The following CMSS1 variants were observed in gnomAD, a reference collection of about 807,000 sequenced individuals.
CMSS1 encodes the protein protein CMSS1.
In CMSS1, 33 loss-of-function variants were observed where a neutral mutation model predicts 43.5. The ratio of observed to expected loss-of-function variants is 0.76; its 90% CI spans 0.57 to 1.01. CMSS1 has a LOEUF of 1.01. Among genes scored for constraint, CMSS1 ranks in the 50% least tolerant of loss-of-function variants. The pLI is 0.00. For synonymous variants in CMSS1, 115 were observed against 117.2 expected, an observed-to-expected ratio of 0.98 and a Z score of 0.12; for missense variants, 313 against 326.4, an observed-to-expected ratio of 0.96 and a Z score of 0.32.
chr3:99,909,427 G>T (rs955454102), intron 1 of CMSS1, among the ~76,000 whole-genome samples: 1 of 152,090 alleles, frequency 6.6e-6, no homozygotes, highest in Non-Finnish European at 1.5e-5. Context: ...GGTGTGGGTG[G>T]AGTCATGGTA....
chr3:100,166,532 A>G (rs1046523965), intron 5 of CMSS1, 138 bp downstream of exon 5: 40 of 612,342 alleles, frequency 6.5e-5, no homozygotes, highest in Non-Finnish European at 1.2e-4. Context: ...ATGGTGTTCT[A>G]GTCCCAGGTC....
chr3:100,057,271 G>A (rs2065480769), intron 1 of CMSS1, among the ~76,000 whole-genome samples: 1 of 152,156 alleles, frequency 6.6e-6, no homozygotes, highest in African/African-American at 2.4e-5. Context: ...TAATCTTTCT[G>A]CAGGAAACCA....
chr3:99,971,599 T>G (rs1394265009), intron 1 of CMSS1, among the ~76,000 whole-genome samples: 2 of 152,204 alleles, frequency 1.3e-5, no homozygotes, highest in Non-Finnish European at 2.9e-5. Context: ...GCTTTTGTCT[T>G]GTAGCCACTC....
chr3:100,089,547 G>A (rs914785268), intron 1 of CMSS1, among the ~76,000 whole-genome samples: 1 of 152,130 alleles, frequency 6.6e-6, no homozygotes, highest in Non-Finnish European at 1.5e-5. Flanking sequence ...CAAGCAAAAA[G>A]GATAGGAAGC....
At position 100,160,443 on chromosome 3, in the gene CMSS1, T is replaced by C; in HGVS notation, c.167T>C (p.Phe56Ser). ...ATTTCTTAATAGCCTAAAGAATGTTTTTTGATACAACCAAAGGAAAGAAAA... is the reference window on the plus strand; with the variant it reads ...ATTTCTTAATAGCCTAAAGAATGTTCTTTGATACAACCAAAGGAAAGAAAA... The part of the protein sequence containing the change: ...SEKTKQPKEC[F>S]LIQPKERKEN... The change falls in exon 3 of 10, where the codon TTT becomes TCT. Residue 56 changes from phenylalanine (F) to serine (S), a missense_variant. By Grantham distance (155) the Phe-to-Ser change is radical. Coordinates refer to ENST00000421999, the MANE Select transcript of CMSS1 (RefSeq NM_032359.4). 1 of 1,496,500 alleles carries C rather than the reference T, an allele frequency of 6.7e-7. No homozygotes were observed. Among genetic ancestry groups the C allele is most frequent in the Non-Finnish European group, 9.3e-7 (1 of 1,077,400 alleles). The allele number at this position is 1,496,500 out of a possible 1,614,324, so 92.7% of individuals were successfully genotyped here. A position where few individuals can be genotyped will look rare whatever the true frequency, so the allele number is the denominator to read the frequency against.
intron 1 of CMSS1, among the ~76,000 whole-genome samples, chr3:100,086,852 T>C (rs1157545044): frequency 5.3e-5 from 8 of 152,168 alleles, no homozygotes; most frequent in Non-Finnish European, 1.2e-4. Flanking sequence ...TCAGGCTCCC[T>C]TTTTAATCAG....
chr3:99,878,957 T>C (rs912652286), intron 1 of CMSS1, among the ~76,000 whole-genome samples: 3 of 152,240 alleles, frequency 2.0e-5, no homozygotes, highest in Non-Finnish European at 4.4e-5. Context: ...ATTCTCTTGG[T>C]TTCATTTGTG....
chr3:99,914,774 G>A (rs1706900782), intron 1 of CMSS1, among the ~76,000 whole-genome samples: 3 of 152,200 alleles, frequency 2.0e-5, no homozygotes, highest in African/African-American at 7.2e-5. Context: ...GGCCATTCAG[G>A]ATAGAGTTCT....
chr3:100,123,281 T>G (rs1021734575), intron 1 of CMSS1, among the ~76,000 whole-genome samples: 4 of 151,978 alleles, frequency 2.6e-5, no homozygotes, highest in Non-Finnish European at 4.4e-5. Context: ...CTGAGAACAA[T>G]AGGTGTGAAG....
At chr3:99,823,196 G>T (rs1346876426) in intron 1 of CMSS1, among the ~76,000 whole-genome samples, 4 of 152,154 alleles carry the variant, frequency 2.6e-5, no homozygotes, top group African/African-American at 4.8e-5. Flanking sequence ...AAGAACACTG[G>T]TTACTTGGAG....
chr3:100,112,111 T>C (rs945714202), intron 1 of CMSS1, among the ~76,000 whole-genome samples: 2 of 152,214 alleles, frequency 1.3e-5, no homozygotes, highest in Non-Finnish European at 2.9e-5. Flanking sequence ...ACTATAAAAG[T>C]GTTCCCCTAA....
chr3:100,145,974 T>A (rs977923015), intron 1 of CMSS1, among the ~76,000 whole-genome samples: 3 of 152,222 alleles, frequency 2.0e-5, no homozygotes, highest in African/African-American at 7.2e-5. Context: ...TGCAAACATT[T>A]AAAAGCACAG....
rs116722688 is a variant in CMSS1 at position 99,846,327 on chromosome 3, A to T, written c.64+28284A>T. Among the ~76,000 whole-genome samples, 388 of 152,318 alleles carry T rather than the reference A, an allele frequency of 2.5e-3. 3 individuals are homozygous for T. Among genetic ancestry groups the T allele is most frequent in the African/African-American group, 8.9e-3 (368 of 41,572 alleles). On this transcript the variant is annotated intron_variant, in intron 1 of 9. Coordinates refer to ENST00000421999, the MANE Select transcript of CMSS1 (RefSeq NM_032359.4). ...ACTTTGTTCTTAAATTCTGATTTCC[A>T]TTGTTCATAATTTTATGATCAGTTG...
At chr3:100,138,969 G>T (rs113065745) in intron 1 of CMSS1, among the ~76,000 whole-genome samples, 20 of 152,290 alleles carry the variant, frequency 1.3e-4, no homozygotes, top group African/African-American at 4.6e-4. Context: ...TAGACTGGAT[G>T]AAGAAAATGT....
chr3:100,172,428 C>G (rs1349057562), intron 8 of CMSS1, 25 bp downstream of exon 8: 4 of 1,570,730 alleles, frequency 2.5e-6, no homozygotes, highest in Non-Finnish European at 3.5e-6. Context: ...CAGTGATACT[C>G]TTGCCCAGGG....
chr3:99,957,693 C>CTTTT (rs779350496), intron 1 of CMSS1, among the ~76,000 whole-genome samples: 60 of 19,870 alleles, frequency 3.0e-3, no homozygotes, highest in Non-Finnish European at 4.5e-3. Context: ...TTCTTTCTTT[C>CTTTT]TTTTTTTTTT....
chr3:99,984,926 C>T (rs946140760), intron 1 of CMSS1, among the ~76,000 whole-genome samples: 34 of 152,034 alleles, frequency 2.2e-4, no homozygotes, highest in African/African-American at 7.7e-4. Context: ...AACTGGAATT[C>T]CCAGGTTAAA....
intron 1 of CMSS1, among the ~76,000 whole-genome samples, chr3:99,977,560 A>G (rs1008258902): frequency 6.6e-6 from 1 of 152,192 alleles, no homozygotes; most frequent in African/African-American, 2.4e-5. Flanking sequence ...CTCCAAAAAG[A>G]ATAAAATTAT....
chr3:99,926,122 G>C (rs1336819928), intron 1 of CMSS1, among the ~76,000 whole-genome samples: 1 of 152,172 alleles, frequency 6.6e-6, no homozygotes, highest in African/African-American at 2.4e-5. Context: ...GCCAATTTAA[G>C]TTGTGTATCC....
Sources: allele counts gnomAD v4.1 joint callset (sites outside exome capture counted in the v4.1 genomes callset), GRCh38; gene constraint gnomAD v4.1.1; transcripts MANE v1.5; gene names NCBI Gene and HGNC (gene_info 2026-07-23, HGNC 2026-07-21).